ARL15: variants seen among roughly 807,000 people sequenced by gnomAD.
ARL15 encodes ARF like GTPase 15.
In ARL15, 19 loss-of-function variants were observed where a neutral mutation model predicts 25.2. The observed-to-expected ratio is 0.75, with a 90% CI of 0.53 to 1.10. The LOEUF is 1.10. ARL15 is among the 50% of genes least tolerant of loss of function. ARL15 has a pLI of 0.00. For synonymous variants in ARL15, 94 were observed against 86.8 expected (o/e 1.08, Z -0.46); for missense variants, 220 against 246.0 (o/e 0.89, Z 0.71).
chr5:54,256,266 G>A (rs910334890), intron 1 of ARL15, among the ~76,000 whole-genome samples: 22 of 151,916 alleles, frequency 1.4e-4, no homozygotes, highest in African/African-American at 5.3e-4. Flanking sequence ...AAGATCATTT[G>A]AGACTGCTAT....
At chr5:53,963,795 T>G in intron 4 of ARL15, among the ~76,000 whole-genome samples, 1 of 129,964 alleles carries the variant, frequency 7.7e-6, no homozygotes, top group Non-Finnish European at 1.6e-5. Context: ...GAGACAAGAG[T>G]GAAACTCCAT....
chr5:53,982,592 G>A (rs1264018219), intron 4 of ARL15, among the ~76,000 whole-genome samples: 2 of 152,050 alleles, frequency 1.3e-5, no homozygotes, highest in Non-Finnish European at 1.5e-5. Flanking sequence ...TCATTGATGG[G>A]CATTTGGGTT....
rs149519290 is a variant in ARL15 at position 54,264,101 on chromosome 5, T to C, written c.48+46331A>G. 2.1e-3 allele frequency among the ~76,000 whole-genome samples: 313 copies of C among 152,262 alleles called. 2 individuals carry two copies. The highest frequency in any genetic ancestry group is 7.1e-3 in the African/African-American group (295 of 41,546). On this transcript the variant is annotated intron_variant, in intron 1 of 4. Transcript: ENST00000504924. ...ATTAGGGACCTAATCATCTTTTGCC[T>C]AGATTACTGCACAAGCCTCCTGAGG...
chr5:54,086,734 TA>T (rs1480399742), intron 4 of ARL15, among the ~76,000 whole-genome samples: 1 of 151,834 alleles, frequency 6.6e-6, no homozygotes, highest in African/African-American at 2.4e-5. Flanking sequence ...CAGAATGGGT[TA>T]AAAAAAACAA....
At chr5:54,131,657 A>G (rs1455168587) in intron 3 of ARL15, among the ~76,000 whole-genome samples, 1 of 152,138 alleles carries the variant, frequency 6.6e-6, no homozygotes, top group Non-Finnish European at 1.5e-5. Context: ...TGCTTAATTC[A>G]AGTAAATTTA....
chr5:54,198,345 GA>G (rs1755616407), intron 1 of ARL15, among the ~76,000 whole-genome samples: 1 of 152,162 alleles, frequency 6.6e-6, no homozygotes, highest in African/African-American at 2.4e-5. Context: ...AGGAAAAGAG[GA>G]AGTCAAATTG....
intron 1 of ARL15, among the ~76,000 whole-genome samples, chr5:54,299,089 CA>C (rs1230832706): frequency 6.6e-6 from 1 of 151,912 alleles, no homozygotes; most frequent in Non-Finnish European, 1.5e-5. Flanking sequence ...TTTGTAGAGA[CA>C]GGGGTCTCAC....
chr5:53,915,380 G>GATA lies in ARL15; in HGVS notation c.463-28670_463-28668dup, dbSNP rs532914137. ...AACCCGTAGGCTACTGGGTGAAAAA[G>GATA]ATAATAATTATAACAAGGTATGTAT... On this transcript the variant is annotated intron_variant, in intron 4 of 4. Transcript: ENST00000504924. Among the ~76,000 whole-genome samples the GATA allele has an allele frequency of 3.9e-5, 6 of 152,294 alleles. No individual in the cohort carries two copies. In the South Asian group the frequency reaches 1.2e-3, roughly 32 times the overall value.
At chr5:53,973,315 T>C (rs932981607) in intron 4 of ARL15, among the ~76,000 whole-genome samples, 5 of 152,120 alleles carry the variant, frequency 3.3e-5, no homozygotes, top group Non-Finnish European at 7.4e-5. Context: ...GGCTCACGCC[T>C]GTAATCCCAG....
intron 4 of ARL15, among the ~76,000 whole-genome samples, chr5:53,920,763 GTCC>G (rs1241306665): frequency 4.6e-5 from 7 of 152,132 alleles, no homozygotes; most frequent in Non-Finnish European, 1.0e-4. Flanking sequence ...CAATATCTGT[GTCC>G]TCCTCTTCTT....
At chr5:54,040,272 T>A (rs1016246350) in intron 4 of ARL15, among the ~76,000 whole-genome samples, 24 of 152,210 alleles carry the variant, frequency 1.6e-4, no homozygotes, top group Admixed American at 5.9e-4. Flanking sequence ...AGCAATGCAC[T>A]TTGTCCCTCT....
chr5:54,042,045 A>G (rs1750360443), intron 4 of ARL15, among the ~76,000 whole-genome samples: 1 of 150,358 alleles, frequency 6.7e-6, no homozygotes, highest in African/African-American at 2.5e-5. Context: ...ATCTCGGCTC[A>G]CCGCAACCTC....
intron 4 of ARL15, among the ~76,000 whole-genome samples, chr5:54,009,717 CTT>C (rs546993389): frequency 1.6e-3 from 250 of 152,298 alleles, no homozygotes; most frequent in Middle Eastern, 6.8e-3. Flanking sequence ...TTAAGACAAA[CTT>C]GATGAAAAAT....
In ARL15 at chr5:54,168,412, T is replaced by TAA. The variant is rs1561250843; in HGVS notation, c.193+3370_193+3371dup. On this transcript the variant is annotated intron_variant, in intron 2 of 4. Transcript: ENST00000504924. ...ACATTCTCCCTACTTTTTTTTTTTT[T>TAA]AACAATTCACCAAAACATAAAGCTA... Among the ~76,000 whole-genome samples, 73 of 148,558 alleles carry TAA rather than the reference T, an allele frequency of 4.9e-4. 1 individual carries two copies. The highest frequency in any genetic ancestry group is 3.6e-3 in the East Asian group (18 of 5,062).
chr5:54,089,826 G>T (rs908760188), intron 4 of ARL15, among the ~76,000 whole-genome samples: 3 of 152,080 alleles, frequency 2.0e-5, no homozygotes, highest in African/African-American at 7.2e-5. Context: ...GAATCAAAAG[G>T]ATTAAAAGTC....
chr5:54,158,852 G>A (rs918103651), intron 2 of ARL15, among the ~76,000 whole-genome samples: 2 of 152,152 alleles, frequency 1.3e-5, no homozygotes, highest in African/African-American at 2.4e-5. Flanking sequence ...TAGCTTAGGT[G>A]ACAGAGCAAG....
At chr5:54,143,454 T>A (rs1186213453) in intron 3 of ARL15, among the ~76,000 whole-genome samples, 1 of 152,020 alleles carries the variant, frequency 6.6e-6, no homozygotes, top group Non-Finnish European at 1.5e-5. Context: ...TATATATTTT[T>A]ACCTTAACCT....
intron 1 of ARL15, among the ~76,000 whole-genome samples, chr5:54,243,913 G>A (rs1757021809): frequency 6.6e-6 from 1 of 152,162 alleles, no homozygotes; most frequent in Admixed American, 6.5e-5. Context: ...GAGAGATTCG[G>A]ACCAATCTCT....
At chr5:54,063,138 C>A (rs570312964) in intron 4 of ARL15, among the ~76,000 whole-genome samples, 1 of 152,288 alleles carries the variant, frequency 6.6e-6, no homozygotes, top group South Asian at 2.1e-4. Context: ...AACCCCTAAA[C>A]AATGGGTAAC....
Sources: gnomAD v4.1 joint callset for allele counts (sites outside exome capture counted in the v4.1 genomes callset) on GRCh38, gnomAD v4.1.1 for gene constraint, MANE v1.5 for transcripts, NCBI Gene and HGNC (gene_info 2026-07-23, HGNC 2026-07-21) for gene names.